Variants in MICU3 observed in about 807,000 individuals in gnomAD.
MICU3 encodes mitochondrial calcium uptake 3, also known as calcium uptake protein 3, mitochondrial.
A neutral mutation model predicts 66.5 loss-of-function variants in MICU3; 62 were observed. That is an observed-to-expected ratio of 0.93 (90% CI 0.76 to 1.15). MICU3 has a LOEUF of 1.15. Ranked by LOEUF, MICU3 falls within the 50% of genes most tolerant of loss-of-function variation. The pLI is 0.00. For synonymous variants in MICU3, 308 were observed against 240.7 expected, an observed-to-expected ratio of 1.28 and a Z score of -2.59; for missense variants, 779 against 664.4, an observed-to-expected ratio of 1.17 and a Z score of -1.90.
chr8:17,050,091 A>G (rs1033569687), intron 1 of MICU3, among the ~76,000 whole-genome samples: 7 of 152,144 alleles, frequency 4.6e-5, no homozygotes, highest in African/African-American at 7.2e-5. Flanking sequence ...TATTGGAAAC[A>G]TGCTGCAGTG....
chr8:17,081,017 C>A (rs1821102539), intron 4 of MICU3, among the ~76,000 whole-genome samples: 1 of 152,014 alleles, frequency 6.6e-6, no homozygotes, highest in South Asian at 2.1e-4. Flanking sequence ...AGCAAGAATT[C>A]AAGTAACAGA....
chr8:17,033,704 T>C (rs1333189395), intron 1 of MICU3, among the ~76,000 whole-genome samples: 1 of 152,188 alleles, frequency 6.6e-6, no homozygotes, highest in African/African-American at 2.4e-5. Context: ...CCCAAATTGC[T>C]GGGATTACAG....
chr8:17,098,939 G>A (rs1202044047), intron 9 of MICU3, among the ~76,000 whole-genome samples: 1 of 151,688 alleles, frequency 6.6e-6, no homozygotes, highest in Admixed American at 6.6e-5. Flanking sequence ...GATAGTGAGT[G>A]GCTTACCAAG....
chr8:17,127,747 G>A, the MICU3 span, among the ~76,000 whole-genome samples: 1 of 151,952 alleles, frequency 6.6e-6, no homozygotes, highest in Non-Finnish European at 1.5e-5. Context: ...ATGTGTTTTT[G>A]CTCCCAGATA....
chr8:17,075,019 A>G (rs1820167948), intron 3 of MICU3, among the ~76,000 whole-genome samples: 1 of 152,066 alleles, frequency 6.6e-6, no homozygotes, highest in Non-Finnish European at 1.5e-5. Flanking sequence ...AGCTCCCCTC[A>G]GGTTTAATGA....
chr8:17,134,089 C>T, the MICU3 span: 2 of 152,080 alleles, frequency 1.3e-5, no homozygotes, highest in Non-Finnish European at 1.5e-5. Flanking sequence ...TATTTACTCA[C>T]TTTAAAATTA....
At chr8:17,081,980 A>G (rs752507615) in intron 5 of MICU3, 4 of 309,304 alleles carry the variant, frequency 1.3e-5, no homozygotes, top group South Asian at 6.8e-5. Flanking sequence ...TTACGTGTCA[A>G]TTCTTGTGGT....
chr8:17,055,378 C>G (rs755389896), intron 1 of MICU3, among the ~76,000 whole-genome samples: 1 of 152,158 alleles, frequency 6.6e-6, no homozygotes, highest in Non-Finnish European at 1.5e-5. Flanking sequence ...TAATGTTTTT[C>G]TTTTTAGTCC....
In MICU3 at chr8:17,027,649, G is replaced by C. The variant is rs1007657526; in HGVS notation, c.370G>C (p.Ala124Pro). ...GATGCTGCCCATCCCAGTGGCGGCTGCCAAGGAGACGGTGAGTGCGCGAGC... is the reference window on the plus strand; with the variant it reads ...GATGCTGCCCATCCCAGTGGCGGCTCCCAAGGAGACGGTGAGTGCGCGAGC... ...RGMLPIPVAA[A>P]KETVAIGRTD... Residue 124 changes from alanine to proline, a missense_variant, in exon 1 of 15, where the codon GCC becomes CCC. Transcript: ENST00000318063. The C allele has an allele frequency of 3.8e-6, 5 of 1,300,834 alleles. No homozygotes were observed. Among genetic ancestry groups the C allele is most frequent in the Non-Finnish European group, 4.9e-6 (5 of 1,027,922 alleles). 80.6% of individuals were successfully genotyped at this position (1,300,834 alleles called of 1,614,324 possible).
intron 1 of MICU3, among the ~76,000 whole-genome samples, chr8:17,037,322 A>G (rs1283900093): frequency 3.9e-5 from 6 of 152,348 alleles, no homozygotes; most frequent in African/African-American, 1.2e-4. Flanking sequence ...GAGCCCAGGC[A>G]GAGGAGGTGC....
intron 1 of MICU3, among the ~76,000 whole-genome samples, chr8:17,031,265 A>G (rs10108524): frequency 8.3e-6 from 1 of 120,748 alleles, no homozygotes; most frequent in Admixed American, 7.5e-5. Context: ...CACTTCATTT[A>G]TTATTATTAT....
chr8:17,088,540 A>G (rs1307090484), intron 7 of MICU3, among the ~76,000 whole-genome samples: 1 of 151,992 alleles, frequency 6.6e-6, no homozygotes, highest in African/African-American at 2.4e-5. Context: ...ATAAAATACT[A>G]TTTAAGGAGG....
intron 3 of MICU3, among the ~76,000 whole-genome samples, chr8:17,071,278 G>A (rs954635909): frequency 2.0e-5 from 3 of 152,136 alleles, no homozygotes; most frequent in South Asian, 2.1e-4. Context: ...ATTTTCTCAC[G>A]GTTCTGGGGG....
At position 17,108,552 on chromosome 8, in the gene MICU3, C is replaced by A. The variant is rs189499576; in HGVS notation, c.1257+2968C>A. On this transcript the variant is annotated intron_variant, in intron 11 of 14. Transcript: ENST00000318063. ...TCTTGTGGCCAAAATTTTGGACTCC[C>A]TCTTTTCACATTCTACGTACAATCA... 1.7e-4 allele frequency among the ~76,000 whole-genome samples: 26 copies of A among 152,198 alleles called. No individual in the cohort carries two copies. In the East Asian group the frequency reaches 4.3e-3, roughly 25 times the overall value.
chr8:17,131,221 C>T, the MICU3 span: 3 of 152,262 alleles, frequency 2.0e-5, no homozygotes, highest in South Asian at 2.1e-4. Flanking sequence ...CAGGAGCAAC[C>T]GTTATGGCTA....
chr8:17,112,761 G>A (rs1440961289), intron 11 of MICU3, among the ~76,000 whole-genome samples: 4 of 152,142 alleles, frequency 2.6e-5, no homozygotes, highest in African/African-American at 7.2e-5. Context: ...ATCCTCGTGT[G>A]TTTTACTCCT....
At chr8:17,057,199 G>C (rs1004220525) in intron 1 of MICU3, among the ~76,000 whole-genome samples, 3 of 152,228 alleles carry the variant, frequency 2.0e-5, no homozygotes, top group Non-Finnish European at 4.4e-5. Context: ...ACTGGGGTGG[G>C]TAGGTAAGCA....
intron 4 of MICU3, among the ~76,000 whole-genome samples, chr8:17,078,875 T>G (rs1399624153): frequency 6.6e-6 from 1 of 152,082 alleles, no homozygotes; most frequent in African/African-American, 2.4e-5. Flanking sequence ...ATCTTAGAAA[T>G]TTTTTTCCTA....
chr8:17,115,792 CAG>C (rs1270409624), intron 12 of MICU3, among the ~76,000 whole-genome samples: 8 of 152,114 alleles, frequency 5.3e-5, no homozygotes, highest in African/African-American at 1.9e-4. Context: ...AGTCCCTGTG[CAG>C]AGTTTCTTGA....
Sources: allele counts gnomAD v4.1 joint callset (sites outside exome capture counted in the v4.1 genomes callset), GRCh38; gene constraint gnomAD v4.1.1; transcripts MANE v1.5; gene names NCBI Gene and HGNC (gene_info 2026-07-23, HGNC 2026-07-21).